ADGRB2: variants seen among roughly 807,000 people sequenced by gnomAD.
The protein encoded by ADGRB2 is adhesion G protein-coupled receptor B2.
In ADGRB2, 47 loss-of-function variants were observed where a neutral mutation model predicts 178.7. That is an observed-to-expected ratio of 0.26 (90% CI 0.21 to 0.34). The LOEUF (loss-of-function observed/expected upper bound fraction) is 0.34, where lower values mean the gene tolerates loss of function less well. Among genes scored for constraint, ADGRB2 ranks in the 10% least tolerant of loss-of-function variants. ADGRB2 has a pLI of 1.00. For missense variants in ADGRB2, 1,584 were observed against 2,180.8 expected, an observed-to-expected ratio of 0.73 and a Z score of 5.45; for synonymous variants, 870 against 912.4, an observed-to-expected ratio of 0.95 and a Z score of 0.84.
intron 4 of ADGRB2, among the ~76,000 whole-genome samples, chr1:31,746,718 C>T (rs1251146647): frequency 1.3e-5 from 2 of 152,176 alleles, no homozygotes; most frequent in Non-Finnish European, 2.9e-5. Flanking sequence ...CTCCAACTAC[C>T]AACTTCCCTG....
chr1:31,756,205 G>A lies in ADGRB2; in HGVS notation c.632C>T (p.Ala211Val), dbSNP rs1235366010. ...AGCAAAGCCGCAGGCCCTGCCGGCA[G>A]CGCGGCCACACTCCTCACTCCAGCG... is the stretch of plus-strand genomic sequence containing the variant. ...LCRWSEECGR[A>V]AGRACGFAQP... The change falls in exon 4 of 33, where the codon GCT becomes GTT. Residue 211 changes from alanine (A) to valine (V), a missense_variant. Transcript: ENST00000373658. This position sits in a 1 kb window ranked among gnomAD's most constrained non-coding sequence, Gnocchi z 8.5. 6.2e-7 allele frequency: 1 copy of A among 1,613,590 alleles called. No homozygotes were observed. Among genetic ancestry groups the A allele is most frequent in the African/African-American group, 1.3e-5 (1 of 75,068 alleles).
Position 31,739,422 on chromosome 1 carries a change from G to C in ADGRB2, c.2381C>G (p.Pro794Arg). ...GCGCTGGTGGGAGTGGCCTGGGCCA[G>C]GAGGCACCGTTCCTGGGCCCCTCCC... ...GRGRGPGTVP[P>R]GPGHSHQRLL... Residue 794 changes from proline (P) to arginine (R), a missense_variant, in exon 15 of 33, where the codon CCT becomes CGT. Around this residue, in one of 3 missense-constraint regions of ADGRB2, gnomAD observed 865 missense variants for 1,192.8 expected, o/e 0.73. Coordinates refer to ENST00000373658, the MANE Select transcript of ADGRB2 (RefSeq NM_001364857.2). The C allele has an allele frequency of 6.4e-7, 1 of 1,574,474 alleles. No homozygotes were observed. The highest frequency in any genetic ancestry group is 8.6e-7 in the Non-Finnish European group (1 of 1,160,690).
At position 31,730,959 on chromosome 1, in the gene ADGRB2, C is replaced by A; in HGVS notation, c.4221G>T (p.Gly1407=). The A allele has an allele frequency of 6.4e-7, 1 of 1,567,226 alleles. No homozygotes were observed. The highest frequency in any genetic ancestry group is 8.7e-7 in the Non-Finnish European group (1 of 1,153,886). The change falls in exon 29 of 33, where the codon GGG becomes GGT. Residue 1407 remains glycine, a synonymous_variant. Coordinates refer to ENST00000373658, the MANE Select transcript of ADGRB2 (RefSeq NM_001364857.2). ...GGAGAGATCCATAGGCAGGGCCCAG[C>A]CCCAGGCCCGAGTGGTCCACGGACA... ...SFLSVDHSGL[G]LGPAYGSLQN...
intron 6 of ADGRB2, among the ~76,000 whole-genome samples, 167 bp from the exon 7 acceptor site, chr1:31,743,169 C>T (rs562812470): frequency 1.3e-5 from 2 of 152,306 alleles, no homozygotes; most frequent in Admixed American, 1.3e-4. Flanking sequence ...CCCACCAAGG[C>T]GCGACCCTTT....
At chr1:31,730,648 G>T in intron 29 of ADGRB2, 152 bp downstream of exon 29, 1 of 1,075,414 alleles carries the variant, frequency 9.3e-7, no homozygotes, top group Non-Finnish European at 1.2e-6. Context: ...CCACGGAGCT[G>T]CCATGAGCAG....
chr1:31,730,659 A>T, intron 29 of ADGRB2, 141 bp downstream of exon 29: 1 of 1,172,620 alleles, frequency 8.5e-7, no homozygotes, highest in South Asian at 3.1e-5. Flanking sequence ...CCATGAGCAG[A>T]AACAGAGAAA....
intron 4 of ADGRB2, among the ~76,000 whole-genome samples, chr1:31,746,174 C>T (rs1646261294): frequency 1.3e-5 from 2 of 152,210 alleles, no homozygotes; most frequent in African/African-American, 4.8e-5. Flanking sequence ...GCCCCCAGGA[C>T]TCACGTGAGG....
intron 7 of ADGRB2, 64 bp downstream of exon 7, chr1:31,742,774 C>T (rs1031406722): frequency 1.5e-5 from 20 of 1,371,398 alleles, no homozygotes; most frequent in Non-Finnish European, 1.9e-5. Context: ...ACTGCCTCCC[C>T]AGGTCTCCCG....
In ADGRB2 at chr1:31,736,180, A is replaced by G. The variant is rs531752881; in HGVS notation, c.3200+141T>C. On this transcript the variant is annotated intron_variant, in intron 22 of 32. Transcript: ENST00000373658. ...CCAGTCCTAGCACATTCCCTCAGTC[A>G]GGGAAACTGAAGCTCAGAAATGGGG... The G allele has an allele frequency of 7.3e-4, 778 of 1,069,596 alleles. 2 individuals carry two copies. The highest frequency in any genetic ancestry group is 1.5e-3 in the Admixed American group (75 of 49,966). The allele number at this position is 1,069,596 out of a possible 1,614,324, so 66.3% of individuals were successfully genotyped here. A position where few individuals can be genotyped will look rare whatever the true frequency, so the allele number is the denominator to read the frequency against.
chr1:31,742,252 A>C (rs930509111), intron 7 of ADGRB2, 35 bp from the exon 8 acceptor site: 18 of 1,565,324 alleles, frequency 1.1e-5, no homozygotes, highest in Non-Finnish European at 1.6e-5. Context: ...GTGGCTGTTG[A>C]GCAGGATGTG....
rs71006321 is a variant in ADGRB2 at position 31,728,803 on chromosome 1, A to AACACACACACACACACACACACACAC, written c.4381-196_4381-171dup. 6.8e-3 allele frequency among the ~76,000 whole-genome samples: 784 copies of AACACACACACACACACACACACACAC among 115,478 alleles called. 12 individuals are homozygous for AACACACACACACACACACACACACAC. The highest frequency in any genetic ancestry group is 0.011 in the Admixed American group (124 of 10,932). 75.8% of individuals were successfully genotyped at this position (115,478 alleles called of 152,430 possible). On this transcript the variant is annotated intron_variant, in intron 29 of 32. Transcript: ENST00000373658. The surrounding 1 kb of genome is among the most constrained non-coding windows in gnomAD (Gnocchi z 6.7). ...TGGGGCAGCTTTTCAGGCCTCACTG[A>AACACACACACACACACACACACACAC]ACACACACACACACACACACACACA...
chr1:31,729,156 C>T (rs1645149812), intron 29 of ADGRB2, among the ~76,000 whole-genome samples: 1 of 152,132 alleles, frequency 6.6e-6, no homozygotes, highest in South Asian at 2.1e-4. Context: ...AGACCACTTT[C>T]AAGGCCCCAG....
At chr1:31,734,227 T>C (rs1645448060) in intron 25 of ADGRB2, among the ~76,000 whole-genome samples, 1 of 152,258 alleles carries the variant, frequency 6.6e-6, no homozygotes, top group Admixed American at 6.5e-5. Context: ...TACCAGGCCC[T>C]ACACTGAACA....
In ADGRB2 at chr1:31,739,302, A is replaced by C; in HGVS notation, c.2495+6T>G. The stretch of plus-strand genomic sequence containing the variant: ...GCAGCCCCAGCCACCCATCCCCAGG[A>C]CTCACCTGGGAGGCGGCAGGATGAG... On this transcript the variant is annotated splice_donor_region_variant and intron_variant, in intron 15 of 32. Coordinates refer to ENST00000373658, the MANE Select transcript of ADGRB2 (RefSeq NM_001364857.2). 1 of 1,446,918 alleles carries C rather than the reference A, an allele frequency of 6.9e-7. No individual in the cohort carries two copies. Among genetic ancestry groups the C allele is most frequent in the Non-Finnish European group, 9.1e-7 (1 of 1,097,988 alleles). 89.6% of individuals were successfully genotyped at this position (1,446,918 alleles called of 1,614,324 possible).
chr1:31,728,318 G>C lies in ADGRB2; in HGVS notation c.4417-38C>G. The C allele has an allele frequency of 6.3e-7, 1 of 1,593,774 alleles. No homozygotes were observed. The highest frequency in any genetic ancestry group is 8.6e-7 in the Non-Finnish European group (1 of 1,165,760). On this transcript the variant is annotated intron_variant, in intron 30 of 32. Coordinates refer to ENST00000373658, the MANE Select transcript of ADGRB2 (RefSeq NM_001364857.2). This position sits in a 1 kb window ranked among gnomAD's most constrained non-coding sequence, Gnocchi z 6.7. ...GGGCATCAGAGGGTCGCTCCCCGGG[G>C]CAGCACCATGATCCCCCCTACCCAG...
At chr1:31,732,886 C>T (rs546618732) in intron 26 of ADGRB2, 86 bp downstream of exon 26, 23 of 1,470,816 alleles carry the variant, frequency 1.6e-5, no homozygotes, top group African/African-American at 4.2e-5. Flanking sequence ...GTCGGGGCCT[C>T]GATCCTCCCG....
chr1:31,733,103 C>A lies in ADGRB2; in HGVS notation c.3493G>T (p.Ala1165Ser). Residue 1165 changes from alanine to serine, a missense_variant, in exon 26 of 33, where the codon GCG becomes TCG. Transcript: ENST00000373658. This position sits in a 1 kb window ranked among gnomAD's most constrained non-coding sequence, Gnocchi z 4.3. ...WSSCVVLPLLALTWMSAVLAM... is the reference protein window; with the variant it reads ...WSSCVVLPLLSLTWMSAVLAM... ...AGGACGGCAGACATCCAGGTGAGCG[C>A]CAGCAGGGGCAGCACCACGCAGGAG... The A allele has an allele frequency of 6.3e-7, 1 of 1,586,712 alleles. No homozygotes were observed.
chr1:31,727,543 G>A lies in ADGRB2; in HGVS notation c.4635C>T (p.Ser1545=). 1.3e-6 allele frequency: 2 copies of A among 1,591,620 alleles called. No homozygotes were observed. The highest frequency in any genetic ancestry group is 1.7e-6 in the Non-Finnish European group (2 of 1,173,232). The change falls in exon 33 of 33, where the codon AGC becomes AGT. Residue 1545 remains serine (S), a synonymous_variant. Transcript: ENST00000373658. The surrounding 1 kb of genome is among the most constrained non-coding windows in gnomAD (Gnocchi z 4.4). ...AGCCCAGTGTCATAGATTTGAAGGTGCTCCAGCTCTGATGGCGCCGATGTT... is the reference window on the plus strand; with the variant it reads ...AGCCCAGTGTCATAGATTTGAAGGTACTCCAGCTCTGATGGCGCCGATGTT... The part of the protein sequence containing the change: ...LSQHRRHQSW[S]TFKSMTLGSL...
Position 31,735,676 on chromosome 1 carries a change from A to C in ADGRB2, c.3268-11T>G. On this transcript the variant is annotated splice_polypyrimidine_tract_variant and intron_variant, in intron 23 of 32. Coordinates refer to ENST00000373658, the MANE Select transcript of ADGRB2 (RefSeq NM_001364857.2). The surrounding 1 kb of genome is among the most constrained non-coding windows in gnomAD (Gnocchi z 6.0). ...GATGAGCATGTTCACCTGGGGGCCC[A>C]GTAGAGTGGAGTGGGGGAGACAGGA... 1 of 1,587,162 alleles carries C rather than the reference A, an allele frequency of 6.3e-7. No individual in the cohort carries two copies. Among genetic ancestry groups the C allele is most frequent in the South Asian group, 1.1e-5 (1 of 87,102 alleles).
Sources: gnomAD v4.1 joint callset for allele counts (sites outside exome capture counted in the v4.1 genomes callset) on GRCh38, gnomAD v4.1.1 for gene constraint, gnomAD v4.1.1 regional missense constraint, Gnocchi (gnomAD v3.1) non-coding constraint, MANE v1.5 for transcripts, NCBI Gene and HGNC (gene_info 2026-07-23, HGNC 2026-07-21) for gene names.